The following THSD7A variants were observed in gnomAD, a reference collection of about 807,000 sequenced individuals.
THSD7A encodes the protein thrombospondin type 1 domain containing 7A.
Under a neutral mutation model 231.3 loss-of-function variants are expected in THSD7A, and 96 were observed. The observed-to-expected ratio is 0.41, with a 90% CI of 0.35 to 0.49. The LOEUF (loss-of-function observed/expected upper bound fraction) is 0.49. Ranked by LOEUF, THSD7A falls within the 20% of genes least tolerant of loss-of-function variation. The pLI is 0.05. For missense variants in THSD7A, 2,290 were observed against 2,070.2 expected, an observed-to-expected ratio of 1.11 and a Z score of -2.06; for synonymous variants, 940 against 743.3, an observed-to-expected ratio of 1.26 and a Z score of -4.30.
At chr7:11,501,967 T>C (rs1787355973) in intron 6 of THSD7A, among the ~76,000 whole-genome samples, 1 of 151,966 alleles carries the variant, frequency 6.6e-6, no homozygotes, top group South Asian at 2.1e-4. Context: ...CCCACAGAAA[T>C]ATAAGTATGA....
chr7:11,529,490 C>T (rs552469526), intron 6 of THSD7A, among the ~76,000 whole-genome samples: 1 of 152,210 alleles, frequency 6.6e-6, no homozygotes, highest in African/African-American at 2.4e-5. Context: ...AGGCAGGGAC[C>T]AGGTGGGAGG....
chr7:11,414,379 TACTCTTTGTTTTTTATAAATA>T (rs1297905401), intron 17 of THSD7A, among the ~76,000 whole-genome samples: 1 of 152,252 alleles, frequency 6.6e-6, no homozygotes, highest in Non-Finnish European at 1.5e-5. Flanking sequence ...TGCACATGCA[TACTCTTTGTTTTTTATAAATA>T]TTCATGACTC....
chr7:11,517,264 G>C (rs1047062042), intron 6 of THSD7A, among the ~76,000 whole-genome samples: 1 of 151,938 alleles, frequency 6.6e-6, no homozygotes, highest in African/African-American at 2.4e-5. Flanking sequence ...ATTTTTAGTA[G>C]AGACGGGGTT....
At chr7:11,410,684 A>T (rs780834362) in intron 19 of THSD7A, among the ~76,000 whole-genome samples, 1 of 152,184 alleles carries the variant, frequency 6.6e-6, no homozygotes. Context: ...CTCTGTACCT[A>T]GAAGATAGTA....
chr7:11,717,991 A>G (rs1428734019), intron 1 of THSD7A, among the ~76,000 whole-genome samples: 1 of 151,580 alleles, frequency 6.6e-6, no homozygotes, highest in Non-Finnish European at 1.5e-5. Context: ...ATTCAAGTGA[A>G]TGACCCTTCT....
chr7:11,482,415 T>C (rs1451362965), intron 6 of THSD7A, among the ~76,000 whole-genome samples: 1 of 152,216 alleles, frequency 6.6e-6, no homozygotes, highest in African/African-American at 2.4e-5. Flanking sequence ...ATGAACCAAC[T>C]AATAGGTGTC....
intron 13 of THSD7A, among the ~76,000 whole-genome samples, chr7:11,435,160 C>A (rs1382447312): frequency 6.6e-6 from 1 of 151,978 alleles, no homozygotes; most frequent in Non-Finnish European, 1.5e-5. Flanking sequence ...TACTCAATGA[C>A]CACGCTTTTT....
rs1306630238 is a variant in THSD7A at position 11,634,086 on chromosome 7, CT to C, written c.1022+2043del. Reference sequence around the variant, plus strand: ...AGGTCAAAATATCTGATTTTTATCTCTTCTTCTCTAGGACTTTCTTGATCAC... The same window carrying C: ...AGGTCAAAATATCTGATTTTTATCTCTCTTCTCTAGGACTTTCTTGATCAC... On this transcript the variant is annotated intron_variant, in intron 2 of 27. Coordinates refer to ENST00000423059, the MANE Select transcript of THSD7A (RefSeq NM_015204.3). This position sits in a 1 kb window ranked among gnomAD's most constrained non-coding sequence, Gnocchi z 4.1. Among the ~76,000 whole-genome samples the C allele has an allele frequency of 5.3e-5, 8 of 152,084 alleles. No individual in the cohort carries two copies. Among genetic ancestry groups the C allele is most frequent in the Admixed American group, 1.3e-4 (2 of 15,256 alleles).
chr7:11,601,994 A>T (rs1780568885), intron 2 of THSD7A, among the ~76,000 whole-genome samples: 1 of 152,162 alleles, frequency 6.6e-6, no homozygotes, highest in African/African-American at 2.4e-5. Flanking sequence ...AACTGGCTAT[A>T]AATCTGTTTG....
In THSD7A at chr7:11,685,988, C is replaced by T. The variant is rs143242540; in HGVS notation, c.191-49027G>A. On this transcript the variant is annotated intron_variant, in intron 1 of 27. Transcript: ENST00000423059. ...AAACTTGGTGCCCATTAATGGTGGA[C>T]TGGATAAAGAAAATGTACATATACA... Among the ~76,000 whole-genome samples the T allele has an allele frequency of 2.5e-4, 38 of 151,902 alleles. 1 individual carries two copies. In the East Asian group the frequency reaches 4.3e-3, roughly 17 times the overall value.
intron 1 of THSD7A, among the ~76,000 whole-genome samples, chr7:11,794,810 G>C (rs571796100): frequency 6.6e-6 from 1 of 152,064 alleles, no homozygotes; most frequent in Non-Finnish European, 1.5e-5. Context: ...CTTTGAAATA[G>C]AAGCAAATTC....
rs534444543 is a variant in THSD7A, at chr7:11,807,078, C to A, written c.190+24679G>T. On this transcript the variant is annotated intron_variant, in intron 1 of 27. Coordinates refer to ENST00000423059, the MANE Select transcript of THSD7A (RefSeq NM_015204.3). ...TTGGTGTTGACATTATGACATGGAC[C>A]CAAGTGATCACTACTAAGTACTTTT... Among the ~76,000 whole-genome samples, 8 of 151,986 alleles carry A rather than the reference C, an allele frequency of 5.3e-5. No homozygotes were observed. In the South Asian group the frequency reaches 1.7e-3, roughly 32 times the overall value.
intron 6 of THSD7A, among the ~76,000 whole-genome samples, chr7:11,518,440 G>T (rs17571245): frequency 6.6e-6 from 1 of 152,126 alleles, no homozygotes; most frequent in African/African-American, 2.4e-5. Flanking sequence ...CAAAACTGGG[G>T]CATATATGAA....
intron 20 of THSD7A, 116 bp downstream of exon 20, chr7:11,407,189 AG>A: frequency 3.4e-6 from 5 of 1,459,966 alleles, no homozygotes; most frequent in Non-Finnish European, 4.7e-6. Context: ...TGTTTTGCAA[AG>A]AAAGACAACC....
At chr7:11,431,663 T>C (rs1033702811) in intron 13 of THSD7A, among the ~76,000 whole-genome samples, 2 of 152,086 alleles carry the variant, frequency 1.3e-5, no homozygotes, top group African/African-American at 2.4e-5. Context: ...TAAAGATAGG[T>C]TTGGCTATTT....
intron 2 of THSD7A, among the ~76,000 whole-genome samples, chr7:11,607,523 T>C (rs1188742501): frequency 6.6e-6 from 1 of 152,088 alleles, no homozygotes; most frequent in Non-Finnish European, 1.5e-5. Context: ...TTGTCTTGTG[T>C]TTTCAGATTG....
chr7:11,506,996 T>C (rs955436770), intron 6 of THSD7A, among the ~76,000 whole-genome samples: 7 of 152,202 alleles, frequency 4.6e-5, no homozygotes, highest in Non-Finnish European at 8.8e-5. Context: ...TCAGGGGTAC[T>C]GTCTGTTCAT....
chr7:11,659,075 C>G (rs1782820130), intron 1 of THSD7A, among the ~76,000 whole-genome samples: 1 of 151,636 alleles, frequency 6.6e-6, no homozygotes, highest in Admixed American at 6.6e-5. Context: ...ACACTCCTAT[C>G]TTTAATTAAT....
chr7:11,437,478 C>T (rs1420691797), intron 13 of THSD7A, among the ~76,000 whole-genome samples: 1 of 152,086 alleles, frequency 6.6e-6, no homozygotes, highest in Non-Finnish European at 1.5e-5. Context: ...GTCCCTCATC[C>T]CCTGCCTCTC....
Sources: gnomAD v4.1 joint callset for allele counts (sites outside exome capture counted in the v4.1 genomes callset) on GRCh38, gnomAD v4.1.1 for gene constraint, Gnocchi (gnomAD v3.1) non-coding constraint, MANE v1.5 for transcripts, NCBI Gene and HGNC (gene_info 2026-07-23, HGNC 2026-07-21) for gene names.